YPEL2: variants seen among roughly 807,000 people sequenced by gnomAD.
YPEL2 encodes the protein yippee like 2, also known as protein yippee-like 2.
Under a neutral mutation model 19.1 loss-of-function variants are expected in YPEL2, and 2 were observed. The ratio of observed to expected loss-of-function variants is 0.10; its 90% CI spans 0.04 to 0.33. YPEL2 has a LOEUF of 0.33. Among genes scored for constraint, YPEL2 ranks in the 10% least tolerant of loss-of-function variants. The pLI is 1.00. For missense variants in YPEL2, 66 were observed against 140.7 expected (o/e 0.47, Z 2.68); for synonymous variants, 52 against 50.0 (o/e 1.04, Z -0.17).
intron 4 of YPEL2, among the ~76,000 whole-genome samples, chr17:59,394,356 G>C (rs1021635058): frequency 4.9e-5 from 7 of 142,826 alleles, no homozygotes; most frequent in Admixed American, 1.4e-4. Context: ...GGGCAGAGGC[G>C]CTCCTCACAT....
intron 4 of YPEL2, among the ~76,000 whole-genome samples, chr17:59,394,391 G>T (rs1353404493): frequency 2.0e-5 from 3 of 150,498 alleles, no homozygotes; most frequent in Admixed American, 6.6e-5. Context: ...CGGGGCAGAG[G>T]CGCTCCCCAC....
intron 1 of YPEL2, among the ~76,000 whole-genome samples, chr17:59,341,022 G>A (rs1318985308): frequency 6.7e-6 from 1 of 148,528 alleles, no homozygotes; most frequent in African/African-American, 2.5e-5. Context: ...GCTGTTTTGC[G>A]GAACTTTAAA....
chr17:59,360,257 T>C (rs1598036092), intron 2 of YPEL2, among the ~76,000 whole-genome samples: 1 of 152,186 alleles, frequency 6.6e-6, no homozygotes, highest in African/African-American at 2.4e-5. Flanking sequence ...TTTGTACTTT[T>C]TTAGTAGAGA....
At chr17:59,333,532 G>A (rs114086098) in intron 1 of YPEL2, among the ~76,000 whole-genome samples, 169 of 152,244 alleles carry the variant, frequency 1.1e-3, no homozygotes, top group African/African-American at 3.7e-3. Flanking sequence ...GACCTGCACT[G>A]CATACAGGTC....
At chr17:59,376,963 A>C (rs1041060470) in intron 2 of YPEL2, among the ~76,000 whole-genome samples, 2 of 150,468 alleles carry the variant, frequency 1.3e-5, no homozygotes, top group South Asian at 2.1e-4. Context: ...AAAAAAAAAA[A>C]AAAAAAAAAA....
At chr17:59,396,166 C>T (rs1028314776) in intron 4 of YPEL2, among the ~76,000 whole-genome samples, 4 of 152,110 alleles carry the variant, frequency 2.6e-5, no homozygotes, top group Admixed American at 2.6e-4. Context: ...ATGGATCTAA[C>T]CCAGGGCAAA....
intron 2 of YPEL2, among the ~76,000 whole-genome samples, chr17:59,382,701 T>TA (rs1007588542): frequency 6.6e-6 from 1 of 152,144 alleles, no homozygotes; most frequent in Admixed American, 6.5e-5. Flanking sequence ...TATACTCCTT[T>TA]AAAAAAAATC....
chr17:59,377,262 T>C (rs2047926794), intron 2 of YPEL2, among the ~76,000 whole-genome samples: 1 of 152,212 alleles, frequency 6.6e-6, no homozygotes, highest in Non-Finnish European at 1.5e-5. Context: ...ATTTATATTA[T>C]CCTTTTTAAC....
chr17:59,341,409 C>T (rs912993314), intron 1 of YPEL2, among the ~76,000 whole-genome samples: 2 of 151,350 alleles, frequency 1.3e-5, no homozygotes, highest in African/African-American at 2.4e-5. Flanking sequence ...AAAGGCCAGG[C>T]GCGGTGACTC....
At chr17:59,360,455 A>C (rs1275676618) in intron 2 of YPEL2, among the ~76,000 whole-genome samples, 1 of 152,218 alleles carries the variant, frequency 6.6e-6, no homozygotes. Flanking sequence ...GTTCCAGCAC[A>C]ACCCAATAAG....
chr17:59,393,719 AC>A (rs2048021016), intron 4 of YPEL2, among the ~76,000 whole-genome samples: 1 of 148,148 alleles, frequency 6.8e-6, no homozygotes, highest in African/African-American at 2.5e-5. Context: ...ATGACTCTTA[AC>A]GAGCATGCTG....
At chr17:59,390,077 C>G (rs2048000192) in intron 4 of YPEL2, among the ~76,000 whole-genome samples, 1 of 152,076 alleles carries the variant, frequency 6.6e-6, no homozygotes, top group Non-Finnish European at 1.5e-5. Flanking sequence ...CTCAGCTCAC[C>G]ACAACCTCTG....
chr17:59,378,354 T>C (rs2047932641), intron 2 of YPEL2, among the ~76,000 whole-genome samples: 1 of 151,940 alleles, frequency 6.6e-6, no homozygotes, highest in South Asian at 2.1e-4. Context: ...CTCCTTTTTT[T>C]TTTTTTTTGA....
chr17:59,358,907 C>CA (rs1567741079), intron 2 of YPEL2, among the ~76,000 whole-genome samples: 1 of 137,952 alleles, frequency 7.2e-6, no homozygotes. Flanking sequence ...TGCACCTGGC[C>CA]TTTTTTTTTT....
At chr17:59,370,484 T>C (rs2047891477) in intron 2 of YPEL2, among the ~76,000 whole-genome samples, 1 of 152,222 alleles carries the variant, frequency 6.6e-6, no homozygotes, top group South Asian at 2.1e-4. Context: ...CCAGGCAGGC[T>C]AGAATGTAAA....
rs2048036965 is a variant in YPEL2, at chr17:59,395,927, A to G, written c.271-1174A>G. Among the ~76,000 whole-genome samples the G allele has an allele frequency of 1.3e-5, 2 of 152,118 alleles. 1 individual carries two copies. Among genetic ancestry groups the G allele is most frequent in the Non-Finnish European group, 2.9e-5 (2 of 68,030 alleles). On this transcript the variant is annotated intron_variant, in intron 4 of 4. Coordinates refer to ENST00000312655, the MANE Select transcript of YPEL2 (RefSeq NM_001005404.4). ...CCCCGTCTCTACTGAAAATACAAAA[A>G]AAATTTAGCTGGGCATGGTGGCAGG...
At chr17:59,383,277 T>C (rs956802363) in intron 2 of YPEL2, among the ~76,000 whole-genome samples, 3 of 151,988 alleles carry the variant, frequency 2.0e-5, no homozygotes, top group Non-Finnish European at 2.9e-5. Context: ...TGGAGTCTTA[T>C]AGTCTATTTA....
intron 1 of YPEL2, among the ~76,000 whole-genome samples, chr17:59,335,146 AAGATATTTTT>A (rs1360977487): frequency 6.6e-6 from 1 of 152,220 alleles, no homozygotes; most frequent in Non-Finnish European, 1.5e-5. Context: ...CTGCAGGCTA[AAGATATTTTT>A]TAGAGTTGTT....
intron 2 of YPEL2, among the ~76,000 whole-genome samples, chr17:59,361,891 C>A (rs1256121823): frequency 6.6e-6 from 1 of 152,074 alleles, no homozygotes; most frequent in Non-Finnish European, 1.5e-5. Context: ...TGGGGAGGAG[C>A]TGGTAAAAGG....
Sources: allele counts gnomAD v4.1 joint callset (sites outside exome capture counted in the v4.1 genomes callset), GRCh38; gene constraint gnomAD v4.1.1; transcripts MANE v1.5; gene names NCBI Gene and HGNC (gene_info 2026-07-23, HGNC 2026-07-21).